Variants in ADAMTSL1 observed in about 807,000 individuals in gnomAD.
ADAMTSL1 encodes the protein ADAMTS like 1.
ADAMTSL1 carries 126 observed loss-of-function variants against 201.8 expected under a neutral mutation model. The ratio of observed to expected loss-of-function variants is 0.62; its 90% CI spans 0.54 to 0.72. The LOEUF (loss-of-function observed/expected upper bound fraction) is 0.72, where lower values mean the gene tolerates loss of function less well. Among genes scored for constraint, ADAMTSL1 ranks in the 30% least tolerant of loss-of-function variants. The pLI, the probability that ADAMTSL1 is intolerant of heterozygous loss-of-function variation, is 0.00. For missense variants in ADAMTSL1, 2,679 were observed against 2,277.8 expected (o/e 1.18, Z -3.59); for synonymous variants, 1,121 against 903.4 (o/e 1.24, Z -4.32).
intron 4 of ADAMTSL1, among the ~76,000 whole-genome samples, chr9:18,595,842 A>C (rs543829810): frequency 6.6e-6 from 1 of 152,196 alleles, no homozygotes; most frequent in African/African-American, 2.4e-5. Flanking sequence ...CTGGGCTTGA[A>C]CCCAGAAGCA....
chr9:18,140,312 G>C (rs1251775410), intron 1 of ADAMTSL1, among the ~76,000 whole-genome samples: 1 of 152,082 alleles, frequency 6.6e-6, no homozygotes, highest in Admixed American at 6.6e-5. Flanking sequence ...GATTTGCCGA[G>C]ACTCAGGACT....
At chr9:18,220,386 T>G (rs1455729460) in intron 2 of ADAMTSL1, among the ~76,000 whole-genome samples, 1 of 152,186 alleles carries the variant, frequency 6.6e-6, no homozygotes, top group Non-Finnish European at 1.5e-5. Flanking sequence ...TCATTTTTCT[T>G]GAAAATTATT....
chr9:18,562,653 A>C (rs1263993667), intron 3 of ADAMTSL1, among the ~76,000 whole-genome samples: 4 of 152,200 alleles, frequency 2.6e-5, no homozygotes, highest in Non-Finnish European at 4.4e-5. Context: ...CAGGTACACC[A>C]GTCAAACATA....
intron 3 of ADAMTSL1, among the ~76,000 whole-genome samples, chr9:18,548,650 A>T (rs557985244): frequency 6.6e-6 from 1 of 152,226 alleles, no homozygotes; most frequent in South Asian, 2.1e-4. Context: ...ATGGTTCATT[A>T]TTTGCTAATT....
chr9:18,094,222 A>T (rs1387432073), intron 1 of ADAMTSL1, among the ~76,000 whole-genome samples: 3 of 152,174 alleles, frequency 2.0e-5, no homozygotes, highest in Non-Finnish European at 4.4e-5. Context: ...ATTTATCTCC[A>T]TTTTACAGAT....
chr9:18,538,087 G>A (rs1317145325), intron 3 of ADAMTSL1, among the ~76,000 whole-genome samples: 1 of 152,050 alleles, frequency 6.6e-6, no homozygotes, highest in African/African-American at 2.4e-5. Flanking sequence ...AAAAAGATAG[G>A]TTTGGCTGCA....
intron 22 of ADAMTSL1, among the ~76,000 whole-genome samples, chr9:18,828,697 A>ATATATATATATATATATTGTG (rs1824776656): frequency 2.4e-5 from 1 of 42,530 alleles, no homozygotes; most frequent in African/African-American, 7.5e-5. Context: ...TATATATAAA[A>ATATATATATATATATATTGTG]TGTGTGTGTG....
intron 2 of ADAMTSL1, among the ~76,000 whole-genome samples, chr9:18,330,056 G>A (rs1834970878): frequency 6.6e-6 from 1 of 152,188 alleles, no homozygotes; most frequent in Admixed American, 6.5e-5. Context: ...TTCACATGAT[G>A]AAATGAGACT....
chr9:18,099,348 T>C lies in ADAMTSL1; in HGVS notation c.88-64514T>C, dbSNP rs1020250343. Among the ~76,000 whole-genome samples the C allele has an allele frequency of 2.0e-4, 10 of 49,804 alleles. 1 individual carries two copies. Among genetic ancestry groups the C allele is most frequent in the African/African-American group, 4.9e-4 (7 of 14,196 alleles). 32.7% of individuals were successfully genotyped at this position (49,804 alleles called of 152,430 possible). ...GAAAATATATATATATATATATATA[T>C]ATATATATTTTTTTTTTTTTTTTTA... On this transcript the variant is annotated intron_variant, in intron 1 of 29. Transcript: ENST00000680146.
Position 18,776,780 on chromosome 9 carries a change from G to C in ADAMTSL1, c.2552-1G>C. ...TCCCTTCGGGTTCGCTCTCCTTCCA[G>C]GGCCCGGGCGGCCATCCACGAAGCA... On this transcript the variant is annotated splice_acceptor_variant, in intron 18 of 28. Coordinates refer to ENST00000380548, the MANE Select transcript of ADAMTSL1 (RefSeq NM_001040272.6). LOFTEE classifies it high-confidence loss of function. 6.5e-7 allele frequency: 1 copy of C among 1,543,876 alleles called. No individual in the cohort carries two copies. The highest frequency in any genetic ancestry group is 8.7e-7 in the Non-Finnish European group (1 of 1,145,680).
chr9:18,299,921 T>C (rs2132723058), intron 2 of ADAMTSL1, among the ~76,000 whole-genome samples: 1 of 152,354 alleles, frequency 6.6e-6, no homozygotes, highest in Middle Eastern at 3.4e-3. Flanking sequence ...TGTATCAGCC[T>C]TCCTAGTAGA....
At position 18,650,524 on chromosome 9, in the gene ADAMTSL1, G is replaced by A. The variant is rs578164924; in HGVS notation, c.835-7115G>A. Among the ~76,000 whole-genome samples, 7 of 152,150 alleles carry A rather than the reference G, an allele frequency of 4.6e-5. No homozygotes were observed. The South Asian group carries it at 6.2e-4, about 14-fold the overall frequency. On this transcript the variant is annotated intron_variant, in intron 7 of 28. Coordinates refer to ENST00000380548, the MANE Select transcript of ADAMTSL1 (RefSeq NM_001040272.6). ...TTGTAGACAGGAGCTGTTCCTATTC[G>A]GCCATCTTGGCTCCTCCCTCCTCCA...
At chr9:18,840,400 T>C (rs1240141659) in intron 23 of ADAMTSL1, among the ~76,000 whole-genome samples, 3 of 152,240 alleles carry the variant, frequency 2.0e-5, no homozygotes, top group Non-Finnish European at 4.4e-5. Context: ...TCTATATCTC[T>C]GTTTTGGTAC....
At chr9:18,451,344 A>G (rs1820397876) in intron 2 of ADAMTSL1, among the ~76,000 whole-genome samples, 1 of 152,154 alleles carries the variant, frequency 6.6e-6, no homozygotes, top group Non-Finnish European at 1.5e-5. Context: ...CCTAGCTTAT[A>G]ATTAGTTTAG....
chr9:18,407,687 GGATCAGTGAA>G (rs1433218544), intron 2 of ADAMTSL1, among the ~76,000 whole-genome samples: 2 of 152,176 alleles, frequency 1.3e-5, no homozygotes, highest in Non-Finnish European at 2.9e-5. Context: ...ATCTTAATGA[GGATCAGTGAA>G]GAGGTAAGAA....
chr9:18,067,724 G>A (rs928276252), intron 1 of ADAMTSL1, among the ~76,000 whole-genome samples: 2 of 152,204 alleles, frequency 1.3e-5, no homozygotes, highest in Non-Finnish European at 2.9e-5. Flanking sequence ...GGAACTTGGA[G>A]AGTCTTGTCT....
chr9:18,220,276 A>C (rs1257421327), intron 2 of ADAMTSL1, among the ~76,000 whole-genome samples: 1 of 152,122 alleles, frequency 6.6e-6, no homozygotes, highest in African/African-American at 2.4e-5. Context: ...TTACATTTTA[A>C]GCTTATGTTT....
chr9:18,434,316 A>G (rs16936696), intron 2 of ADAMTSL1, among the ~76,000 whole-genome samples: 5,253 of 152,294 alleles, frequency 0.034, 267 homozygotes, highest in African/African-American at 0.12. Flanking sequence ...TATTATTCCC[A>G]GAAGCTCCAC....
intron 2 of ADAMTSL1, among the ~76,000 whole-genome samples, chr9:18,220,391 A>G (rs1010543915): frequency 1.3e-5 from 2 of 152,114 alleles, no homozygotes; most frequent in African/African-American, 4.8e-5. Flanking sequence ...TTTCTTGAAA[A>G]TTATTTTTCC....
Sources: gnomAD v4.1 joint callset for allele counts (sites outside exome capture counted in the v4.1 genomes callset) on GRCh38, gnomAD v4.1.1 for gene constraint, MANE v1.5 for transcripts, NCBI Gene and HGNC (gene_info 2026-07-23, HGNC 2026-07-21) for gene names.